ANKS1B: variants seen among roughly 807,000 people sequenced by gnomAD.
ANKS1B encodes ankyrin repeat and sterile alpha motif domain containing 1B.
Under a neutral mutation model 148.3 loss-of-function variants are expected in ANKS1B, and 36 were observed. The ratio of observed to expected loss-of-function variants is 0.24; its 90% CI spans 0.19 to 0.32. The LOEUF (loss-of-function observed/expected upper bound fraction) is 0.32, where lower values mean the gene tolerates loss of function less well. Among genes scored for constraint, ANKS1B ranks in the 10% least tolerant of loss-of-function variants. ANKS1B has a pLI of 1.00. For synonymous variants in ANKS1B, 542 were observed against 560.8 expected (o/e 0.97, Z 0.47); for missense variants, 1,157 against 1,542.6 (o/e 0.75, Z 4.19).
At chr12:99,974,648 G>C (rs1429977682) in intron 1 of ANKS1B, among the ~76,000 whole-genome samples, 1 of 152,056 alleles carries the variant, frequency 6.6e-6, no homozygotes, top group African/African-American at 2.4e-5. Flanking sequence ...AAGTCAGGAG[G>C]ATGGCTTGAT....
intron 19 of ANKS1B, among the ~76,000 whole-genome samples, chr12:98,815,294 C>A (rs1296478844): frequency 1.3e-5 from 2 of 152,210 alleles, no homozygotes. Context: ...TTTCTCTTTT[C>A]CTGTCCTCAT....
chr12:98,880,553 T>C (rs1312856538), intron 17 of ANKS1B, among the ~76,000 whole-genome samples: 1 of 151,974 alleles, frequency 6.6e-6, no homozygotes, highest in African/African-American at 2.4e-5. Flanking sequence ...GATCACAAGG[T>C]CAGGAGATCG....
chr12:99,762,483 G>A (rs545078091), intron 8 of ANKS1B, among the ~76,000 whole-genome samples: 28 of 151,664 alleles, frequency 1.8e-4, no homozygotes, highest in African/African-American at 6.0e-4. Flanking sequence ...CTAGCCATAC[G>A]CAGAATGAAA....
At chr12:99,261,368 A>T (rs572826372) in intron 12 of ANKS1B, among the ~76,000 whole-genome samples, 1 of 152,094 alleles carries the variant, frequency 6.6e-6, no homozygotes, top group East Asian at 1.9e-4. Context: ...TTCTCTGCTC[A>T]TTCCTTCTGT....
At chr12:99,765,063 G>A (rs1222864756) in intron 8 of ANKS1B, among the ~76,000 whole-genome samples, 1 of 152,148 alleles carries the variant, frequency 6.6e-6, no homozygotes, top group Non-Finnish European at 1.5e-5. Flanking sequence ...ATGAAAAGGT[G>A]AGAGGTCAAT....
intron 2 of ANKS1B, among the ~76,000 whole-genome samples, chr12:99,823,719 A>T (rs1467180428): frequency 6.6e-6 from 1 of 152,168 alleles, no homozygotes; most frequent in East Asian, 1.9e-4. Flanking sequence ...TTATAGTTTG[A>T]GATCTTACAT....
intron 14 of ANKS1B, among the ~76,000 whole-genome samples, chr12:99,226,698 A>G (rs1272654877): frequency 6.6e-6 from 1 of 152,204 alleles, no homozygotes; most frequent in Non-Finnish European, 1.5e-5. Context: ...TATGATTAAT[A>G]CTAAAAGGGA....
intron 1 of ANKS1B, among the ~76,000 whole-genome samples, chr12:99,898,891 T>G (rs2093485504): frequency 6.6e-6 from 1 of 152,190 alleles, no homozygotes; most frequent in South Asian, 2.1e-4. Flanking sequence ...ATTTAGGCTT[T>G]CACTACATAA....
At chr12:99,558,375 G>A (rs937710914) in intron 9 of ANKS1B, among the ~76,000 whole-genome samples, 14 of 152,120 alleles carry the variant, frequency 9.2e-5, no homozygotes, top group South Asian at 4.1e-4. Flanking sequence ...GTGGGGCAGC[G>A]GGGTACACAC....
chr12:99,657,397 G>A (rs1185584074), intron 8 of ANKS1B, among the ~76,000 whole-genome samples: 1 of 152,024 alleles, frequency 6.6e-6, no homozygotes. Flanking sequence ...GTAAATAATT[G>A]CAGTTTAAAT....
intron 17 of ANKS1B, among the ~76,000 whole-genome samples, chr12:98,982,697 T>C (rs1291758159): frequency 1.3e-5 from 2 of 152,262 alleles, no homozygotes; most frequent in African/African-American, 4.8e-5. Context: ...ATTATGTTCC[T>C]GAGGTTAATT....
Position 99,825,922 on chromosome 12 carries a change from T to C in ANKS1B, c.135-533A>G, listed in dbSNP as rs1013994997. ...AAAATAAAATTGAAGATTTGGACTG[T>C]TGTAAACCATGAGAAGATCCTAACA... On this transcript the variant is annotated intron_variant, in intron 1 of 26. Transcript: ENST00000683438. 5.9e-5 allele frequency among the ~76,000 whole-genome samples: 9 copies of C among 152,198 alleles called. 1 individual carries two copies. Among genetic ancestry groups the C allele is most frequent in the Admixed American group, 5.2e-4 (8 of 15,288 alleles).
At chr12:99,577,989 C>A (rs1416263941) in intron 9 of ANKS1B, among the ~76,000 whole-genome samples, 1 of 151,976 alleles carries the variant, frequency 6.6e-6, no homozygotes, top group African/African-American at 2.4e-5. Context: ...ATTAGCAAAC[C>A]AAATCCAGCT....
intron 11 of ANKS1B, among the ~76,000 whole-genome samples, chr12:99,426,665 A>G (rs1175382048): frequency 6.6e-6 from 1 of 152,232 alleles, no homozygotes; most frequent in African/African-American, 2.4e-5. Flanking sequence ...AAATTTTTCC[A>G]TCTTCTTTGA....
intron 1 of ANKS1B, among the ~76,000 whole-genome samples, chr12:99,883,512 G>A (rs2092648955): frequency 6.6e-6 from 1 of 151,928 alleles, no homozygotes; most frequent in Non-Finnish European, 1.5e-5. Context: ...CCAAAAGCAT[G>A]ATTCATAAAA....
intron 1 of ANKS1B, among the ~76,000 whole-genome samples, chr12:99,850,472 AT>A: frequency 6.6e-6 from 1 of 152,090 alleles, no homozygotes; most frequent in South Asian, 2.1e-4. Context: ...TATAGCCTTC[AT>A]TTTATACATA....
chr12:99,931,852 A>G (rs1193276253), intron 1 of ANKS1B, among the ~76,000 whole-genome samples: 1 of 152,152 alleles, frequency 6.6e-6, no homozygotes, highest in Non-Finnish European at 1.5e-5. Flanking sequence ...CTGTTGTGCT[A>G]TCAAATGCTA....
intron 15 of ANKS1B, among the ~76,000 whole-genome samples, chr12:99,124,355 A>T (rs1193948793): frequency 2.0e-5 from 3 of 151,840 alleles, no homozygotes; most frequent in Admixed American, 6.6e-5. Flanking sequence ...AGAAAAATGA[A>T]GACAGCATTT....
chr12:99,689,363 AAAG>A (rs1024863366), intron 8 of ANKS1B, among the ~76,000 whole-genome samples: 1 of 152,210 alleles, frequency 6.6e-6, no homozygotes, highest in Non-Finnish European at 1.5e-5. Flanking sequence ...CAAATAATGC[AAAG>A]AAGAATACAA....
Sources: allele counts gnomAD v4.1 joint callset (sites outside exome capture counted in the v4.1 genomes callset), GRCh38; gene constraint gnomAD v4.1.1; transcripts MANE v1.5; gene names NCBI Gene and HGNC (gene_info 2026-07-23, HGNC 2026-07-21).